The following PRKCQ variants were observed in gnomAD, a reference collection of about 807,000 sequenced individuals.
The protein encoded by PRKCQ is protein kinase C theta type.
Under a neutral mutation model 91.2 loss-of-function variants are expected in PRKCQ, and 41 were observed. The ratio of observed to expected loss-of-function variants is 0.45; its 90% CI spans 0.35 to 0.58. The LOEUF (loss-of-function observed/expected upper bound fraction) is 0.58, where lower values mean the gene tolerates loss of function less well. Ranked by LOEUF, PRKCQ falls within the 20% of genes least tolerant of loss-of-function variation. The pLI, the probability that PRKCQ is intolerant of heterozygous loss-of-function variation, is 0.00. For synonymous variants in PRKCQ, 307 were observed against 316.9 expected (o/e 0.97, Z 0.33); for missense variants, 673 against 896.5 (o/e 0.75, Z 3.18).
intron 16 of PRKCQ, among the ~76,000 whole-genome samples, chr10:6,440,085 G>A (rs1007521384): frequency 6.6e-5 from 10 of 152,084 alleles, no homozygotes; most frequent in Non-Finnish European, 1.3e-4. Flanking sequence ...CCCCCTTCCC[G>A]CTTGGCTCTC....
intron 15 of PRKCQ, among the ~76,000 whole-genome samples, chr10:6,449,998 A>T (rs1401320683): frequency 6.6e-6 from 1 of 151,998 alleles, no homozygotes; most frequent in Non-Finnish European, 1.5e-5. Context: ...TGTAAAGACC[A>T]TCAAGACTAG....
At chr10:6,404,816 ATTCTTTCTTTCCTTCTTTCT>A in the PRKCQ span, among the ~76,000 whole-genome samples, 42 of 64,156 alleles carry the variant, frequency 6.5e-4, no homozygotes, top group South Asian at 1.3e-3. Context: ...TCTCTCTTTC[ATTCTTTCTTTCCTTCTTTCT>A]TTCTTTCTTT....
intron 1 of PRKCQ, among the ~76,000 whole-genome samples, chr10:6,570,892 GGAT>G (rs1404991063): frequency 1.5e-4 from 23 of 152,144 alleles, no homozygotes; most frequent in African/African-American, 5.6e-4. Flanking sequence ...AAGAAAAGAA[GGAT>G]GAGAGGATGG....
chr10:6,408,000 A>G, the PRKCQ span, among the ~76,000 whole-genome samples: 7,506 of 147,214 alleles, frequency 0.051, 303 homozygotes, highest in South Asian at 0.14. The surrounding 1 kb of genome is among the most constrained non-coding windows in gnomAD (Gnocchi z 4.0). Context: ...GTTTAGTAGT[A>G]TCAAGTCTTT....
rs558570217 is a variant in PRKCQ, at chr10:6,463,201, A to G, written c.1446-836T>C. On this transcript the variant is annotated intron_variant, in intron 13 of 17. Transcript: ENST00000263125. Reference sequence around the variant, plus strand: ...AAAAGAGGATATTAGCAGATGCAAGATAAGTTACACTTCATCTTCAATGGT... The same window carrying G: ...AAAAGAGGATATTAGCAGATGCAAGGTAAGTTACACTTCATCTTCAATGGT... 7.9e-5 allele frequency among the ~76,000 whole-genome samples: 12 copies of G among 152,284 alleles called. No homozygotes were observed. The East Asian group carries it at 2.3e-3, about 29-fold the overall frequency.
chr10:6,547,004 CT>C (rs1839975758), intron 1 of PRKCQ, among the ~76,000 whole-genome samples: 1 of 152,126 alleles, frequency 6.6e-6, no homozygotes, highest in Non-Finnish European at 1.5e-5. Context: ...TGGTTTTTGT[CT>C]TTGGTTCTGT....
At chr10:6,548,527 T>A (rs1840054306) in intron 1 of PRKCQ, among the ~76,000 whole-genome samples, 3 of 147,322 alleles carry the variant, frequency 2.0e-5, no homozygotes, top group African/African-American at 7.5e-5. Context: ...ATGTGGCACA[T>A]ATACACCATG....
At chr10:6,521,885 G>A (rs938442012) in intron 1 of PRKCQ, among the ~76,000 whole-genome samples, 3 of 147,332 alleles carry the variant, frequency 2.0e-5, no homozygotes, top group African/African-American at 7.7e-5. Context: ...ATCATGATAT[G>A]TACTATGTTA....
intron 16 of PRKCQ, among the ~76,000 whole-genome samples, chr10:6,431,572 G>C (rs541526916): frequency 6.6e-6 from 1 of 152,094 alleles, no homozygotes; most frequent in Non-Finnish European, 1.5e-5. Flanking sequence ...ACACACGCAC[G>C]CATTTGTGCA....
At chr10:6,482,982 G>C (rs539825691) in intron 11 of PRKCQ, among the ~76,000 whole-genome samples, 6 of 152,254 alleles carry the variant, frequency 3.9e-5, no homozygotes, top group Admixed American at 2.6e-4. Context: ...TGGGGACACA[G>C]AGCCGAGCCC....
the PRKCQ span, among the ~76,000 whole-genome samples, chr10:6,394,988 T>C: frequency 1.3e-5 from 2 of 150,974 alleles, no homozygotes; most frequent in Admixed American, 6.6e-5. Context: ...AGCCGATTTA[T>C]CAAGACGGGG....
chr10:6,538,969 G>A (rs1839681761), intron 1 of PRKCQ, among the ~76,000 whole-genome samples: 1 of 152,078 alleles, frequency 6.6e-6, no homozygotes, highest in African/African-American at 2.4e-5. Flanking sequence ...TTACCATGTT[G>A]CCCAGGCTGG....
chr10:6,435,069 C>G (rs1488298711), intron 16 of PRKCQ, among the ~76,000 whole-genome samples: 1 of 152,182 alleles, frequency 6.6e-6, no homozygotes, highest in Non-Finnish European at 1.5e-5. Context: ...CGCCCACCAC[C>G]ACACCTGGCT....
At chr10:6,577,151 C>A (rs1247440173) in intron 1 of PRKCQ, among the ~76,000 whole-genome samples, 1 of 152,088 alleles carries the variant, frequency 6.6e-6, no homozygotes, top group Non-Finnish European at 1.5e-5. Context: ...CTAATTTAAT[C>A]CAGGAGCAAA....
chr10:6,437,448 A>G (rs188555266), intron 16 of PRKCQ, among the ~76,000 whole-genome samples: 1 of 152,214 alleles, frequency 6.6e-6, no homozygotes, highest in East Asian at 1.9e-4. Context: ...TGCCTCTAAA[A>G]CTGTGAGAAA....
intron 1 of PRKCQ, among the ~76,000 whole-genome samples, chr10:6,518,749 C>A (rs1222015577): frequency 6.6e-6 from 1 of 151,954 alleles, no homozygotes; most frequent in Non-Finnish European, 1.5e-5. Flanking sequence ...TTGCTCCCTG[C>A]AGAGGTTGCA....
intron 16 of PRKCQ, 94 bp downstream of exon 16, chr10:6,441,799 T>A (rs762357414): frequency 7.8e-7 from 1 of 1,288,870 alleles, no homozygotes; most frequent in Non-Finnish European, 1.1e-6. Context: ...TAATCATTGT[T>A]TGCCACATGC....
At chr10:6,426,360 C>T (rs575603285), downstream of PRKCQ, among the ~76,000 whole-genome samples, 40 of 152,312 alleles carry the variant, frequency 2.6e-4, no homozygotes, top group Admixed American at 8.5e-4. Context: ...ACAGAACGGG[C>T]GGCTCCCTGC....
the PRKCQ span, among the ~76,000 whole-genome samples, chr10:6,396,311 C>A: frequency 6.6e-6 from 1 of 152,114 alleles, no homozygotes; most frequent in Non-Finnish European, 1.5e-5. Flanking sequence ...TAACATTTAC[C>A]CTTTTAAAGT....
Sources: gnomAD v4.1 joint callset for allele counts (sites outside exome capture counted in the v4.1 genomes callset) on GRCh38, gnomAD v4.1.1 for gene constraint, Gnocchi (gnomAD v3.1) non-coding constraint, MANE v1.5 for transcripts, NCBI Gene and HGNC (gene_info 2026-07-23, HGNC 2026-07-21) for gene names.